The following SMAP1 variants were observed in gnomAD, a reference collection of about 807,000 sequenced individuals.
SMAP1 encodes stromal membrane-associated protein 1.
SMAP1 carries 24 observed loss-of-function variants against 58.5 expected under a neutral mutation model. That is an observed-to-expected ratio of 0.41 (90% CI 0.30 to 0.58). SMAP1 has a LOEUF of 0.58. SMAP1 is among the 20% of genes least tolerant of loss of function. The pLI, the probability that SMAP1 is intolerant of heterozygous loss-of-function variation, is 0.29. For synonymous variants in SMAP1, 216 were observed against 196.6 expected (o/e 1.10, Z -0.82); for missense variants, 563 against 566.3 (o/e 0.99, Z 0.06).
chr6:70,714,893 A>G (rs1332057580), intron 1 of SMAP1, among the ~76,000 whole-genome samples: 2 of 150,962 alleles, frequency 1.3e-5, no homozygotes, highest in Non-Finnish European at 3.0e-5. Flanking sequence ...TTGGCTGACA[A>G]TTTTTTTTTC....
intron 4 of SMAP1, among the ~76,000 whole-genome samples, chr6:70,774,788 G>A (rs1204975521): frequency 6.6e-6 from 1 of 151,584 alleles, no homozygotes; most frequent in Admixed American, 6.6e-5. Flanking sequence ...CCAGCACTTT[G>A]GGAGGCTGAG....
At chr6:70,716,769 A>G (rs1768284916) in intron 1 of SMAP1, among the ~76,000 whole-genome samples, 1 of 152,198 alleles carries the variant, frequency 6.6e-6, no homozygotes, top group Admixed American at 6.5e-5. Context: ...TTGTTTATGC[A>G]TTGCTCTGTT....
At chr6:70,791,884 T>A in intron 5 of SMAP1, 115 bp downstream of exon 5, 1 of 821,874 alleles carries the variant, frequency 1.2e-6, no homozygotes, top group Non-Finnish European at 1.8e-6. Flanking sequence ...GAATGATCCC[T>A]AGAATTAAAA....
At chr6:70,681,150 G>A (rs748924276) in intron 1 of SMAP1, among the ~76,000 whole-genome samples, 1 of 152,122 alleles carries the variant, frequency 6.6e-6, no homozygotes, top group Non-Finnish European at 1.5e-5. Context: ...TAGGAATGGT[G>A]GCTCACACCT....
At position 70,668,155 on chromosome 6, in the gene SMAP1, C is replaced by T. The variant is rs1766107768; in HGVS notation, c.118+14C>T. On this transcript the variant is annotated intron_variant, in intron 1 of 10. Coordinates refer to ENST00000370455, the MANE Select transcript of SMAP1 (RefSeq NM_001044305.3). Reference sequence around the variant, plus strand: ...GCGAGGCCAAAGGTAGCTTGGACGTCGTCGCTGCCCACGGTCGGGGCCTCT... The same window carrying T: ...GCGAGGCCAAAGGTAGCTTGGACGTTGTCGCTGCCCACGGTCGGGGCCTCT... 1 of 1,589,772 alleles carries T rather than the reference C, an allele frequency of 6.3e-7. No homozygotes were observed. The highest frequency in any genetic ancestry group is 2.4e-5 in the East Asian group (1 of 42,086).
At chr6:70,768,024 T>A (rs1230902688) in intron 3 of SMAP1, among the ~76,000 whole-genome samples, 12 of 151,572 alleles carry the variant, frequency 7.9e-5, no homozygotes, top group Admixed American at 7.9e-4. Flanking sequence ...GGTTTTTGTC[T>A]TTGGTTCTGT....
chr6:70,821,122 A>G (rs1269837881), intron 6 of SMAP1, among the ~76,000 whole-genome samples: 2 of 151,644 alleles, frequency 1.3e-5, no homozygotes, highest in Non-Finnish European at 2.9e-5. Context: ...AAAAATTAAG[A>G]GGATTATTAA....
chr6:70,743,943 A>C (rs150559457), intron 2 of SMAP1, among the ~76,000 whole-genome samples: 5,149 of 140,254 alleles, frequency 0.037, 110 homozygotes, highest in South Asian at 0.078. Context: ...AAAGTATATA[A>C]ATTTTTAATT....
chr6:70,668,179 C>T (rs1460173915), intron 1 of SMAP1, 38 bp downstream of exon 1: 44 of 1,550,070 alleles, frequency 2.8e-5, no homozygotes, highest in Non-Finnish European at 3.5e-5. Flanking sequence ...GTCGGGGCCT[C>T]TTGCGACCGG....
intron 9 of SMAP1, 179 bp downstream of exon 9, chr6:70,857,209 T>G (rs1257574986): frequency 3.9e-6 from 2 of 515,444 alleles, no homozygotes. Flanking sequence ...TTAAGAGGCA[T>G]GTACAGGATT....
intron 3 of SMAP1, among the ~76,000 whole-genome samples, chr6:70,771,753 A>G (rs747235021): frequency 1.3e-5 from 2 of 152,100 alleles, no homozygotes; most frequent in Non-Finnish European, 2.9e-5. Context: ...GGTGTGCTGC[A>G]CCACTGTCCT....
chr6:70,763,106 CTT>C (rs35936929), intron 3 of SMAP1, among the ~76,000 whole-genome samples: 73 of 84,470 alleles, frequency 8.6e-4, no homozygotes, highest in East Asian at 1.5e-3. Flanking sequence ...ACAGATATTA[CTT>C]TTTTTTTTTT....
At chr6:70,787,981 C>T (rs138035799) in intron 4 of SMAP1, among the ~76,000 whole-genome samples, 1 of 152,110 alleles carries the variant, frequency 6.6e-6, no homozygotes, top group Non-Finnish European at 1.5e-5. Context: ...AATCGTGCTA[C>T]TATAAAGACA....
intron 1 of SMAP1, among the ~76,000 whole-genome samples, chr6:70,730,457 C>T (rs1264715017): frequency 6.6e-6 from 1 of 152,220 alleles, no homozygotes; most frequent in Non-Finnish European, 1.5e-5. Flanking sequence ...AATGTGTAAG[C>T]TTCAAAACAG....
intron 6 of SMAP1, among the ~76,000 whole-genome samples, chr6:70,832,766 C>T (rs1288872628): frequency 6.6e-6 from 1 of 152,180 alleles, no homozygotes; most frequent in African/African-American, 2.4e-5. Context: ...CTCTTGATAA[C>T]TAACCTATGC....
At chr6:70,844,003 C>T (rs975594986) in intron 7 of SMAP1, among the ~76,000 whole-genome samples, 14 of 152,018 alleles carry the variant, frequency 9.2e-5, no homozygotes, top group Admixed American at 5.9e-4. Context: ...CCTTTAATAG[C>T]CACTACCATT....
chr6:70,743,407 T>G (rs1203364942), intron 2 of SMAP1, among the ~76,000 whole-genome samples: 1 of 152,236 alleles, frequency 6.6e-6, no homozygotes, highest in Non-Finnish European at 1.5e-5. Flanking sequence ...AAATTATTTC[T>G]GCTGTTAAAG....
chr6:70,747,539 G>A (rs1311511082), intron 2 of SMAP1, among the ~76,000 whole-genome samples: 1 of 152,152 alleles, frequency 6.6e-6, no homozygotes, highest in East Asian at 1.9e-4. Context: ...ACTAGATCCT[G>A]AATTAATGTA....
intron 6 of SMAP1, among the ~76,000 whole-genome samples, chr6:70,815,820 G>A (rs1205786176): frequency 1.3e-5 from 2 of 152,044 alleles, no homozygotes; most frequent in African/African-American, 4.8e-5. Flanking sequence ...GTATGTTTGT[G>A]TATTATTTAA....
Sources: allele counts gnomAD v4.1 joint callset (sites outside exome capture counted in the v4.1 genomes callset), GRCh38; gene constraint gnomAD v4.1.1; transcripts MANE v1.5; gene names NCBI Gene and HGNC (gene_info 2026-07-23, HGNC 2026-07-21).